Variants in CEP120 observed in about 807,000 individuals in gnomAD.
CEP120 encodes centrosomal protein of 120 kDa.
A neutral mutation model predicts 126.5 loss-of-function variants in CEP120; 113 were observed. The ratio of observed to expected loss-of-function variants is 0.89; its 90% CI spans 0.77 to 1.04. CEP120 has a LOEUF of 1.04. Ranked by LOEUF, CEP120 falls within the 50% of genes least tolerant of loss-of-function variation. The pLI is 0.00. For synonymous variants in CEP120, 400 were observed against 394.3 expected (o/e 1.01, Z -0.17); for missense variants, 1,230 against 1,155.7 (o/e 1.06, Z -0.93).
At chr5:123,374,684 T>C (rs149070678) in intron 16 of CEP120, among the ~76,000 whole-genome samples, 5 of 152,274 alleles carry the variant, frequency 3.3e-5, no homozygotes, top group Admixed American at 6.5e-5. Context: ...GTTTAGGTAA[T>C]GTAGTGTTCC....
chr5:123,412,902 C>T (rs983555018), intron 3 of CEP120, among the ~76,000 whole-genome samples: 1 of 152,196 alleles, frequency 6.6e-6, no homozygotes, highest in Non-Finnish European at 1.5e-5. Context: ...TCCCTAACCT[C>T]TATCTTCTCA....
intron 10 of CEP120, 150 bp from the exon 11 acceptor site, chr5:123,385,283 T>C: frequency 3.6e-6 from 2 of 548,834 alleles, no homozygotes. Context: ...GAATGCTAAA[T>C]TTCACAGGCA....
At chr5:123,419,469 G>A (rs1032166527) in intron 1 of CEP120, among the ~76,000 whole-genome samples, 8 of 151,610 alleles carry the variant, frequency 5.3e-5, no homozygotes, top group African/African-American at 1.5e-4. Flanking sequence ...GCTTGAACCC[G>A]GGAGGCAGAG....
At chr5:123,386,753 TA>T in intron 9 of CEP120, 86 bp from the exon 10 acceptor site, 1 of 1,014,700 alleles carries the variant, frequency 9.9e-7, no homozygotes, top group South Asian at 2.9e-5. Flanking sequence ...GAAAAAAGTA[TA>T]ATATGAATAT....
chr5:123,405,175 A>G (rs1773557912), intron 4 of CEP120, among the ~76,000 whole-genome samples: 1 of 152,214 alleles, frequency 6.6e-6, no homozygotes, highest in African/African-American at 2.4e-5. Flanking sequence ...ACGGAGAATC[A>G]CAATTTTGGA....
At position 123,391,399 on chromosome 5, in the gene CEP120, T is replaced by G. The variant is rs1006681563; in HGVS notation, c.811-62A>C. 4.4e-5 allele frequency: 56 copies of G among 1,260,754 alleles called. No individual in the cohort carries two copies. The Middle Eastern group carries it at 7.9e-4, about 18-fold the overall frequency. The allele number at this position is 1,260,754 out of a possible 1,614,324, so 78.1% of individuals were successfully genotyped here. ...ACTTTCTCCTTTCTCCTAAATATCATAAACTTAATAAGAAGTTGTAAAATG... is the reference window on the plus strand; with the variant it reads ...ACTTTCTCCTTTCTCCTAAATATCAGAAACTTAATAAGAAGTTGTAAAATG... On this transcript the variant is annotated intron_variant, in intron 6 of 19. Coordinates refer to ENST00000306467, the MANE Select transcript of CEP120 (RefSeq NM_001375405.1).
Position 123,403,142 on chromosome 5 carries a change from T to G in CEP120, c.464-3858A>C, listed in dbSNP as rs1353987035. 3 of 391,202 alleles carry G rather than the reference T, an allele frequency of 7.7e-6. No homozygotes were observed. The Admixed American group carries it at 1.0e-4, about 13-fold the overall frequency. The allele number at this position is 391,202 out of a possible 1,614,324, so 24.2% of individuals were successfully genotyped here. A position where few individuals can be genotyped will look rare whatever the true frequency, so the allele number is the denominator to read the frequency against. On this transcript the variant is annotated intron_variant, in intron 4 of 19. Transcript: ENST00000306467. The stretch of plus-strand genomic sequence containing the variant: ...ATGTATTTATATGTGTGTGTACACA[T>G]ATATGCACAAATTCCCTCACTTTGT...
At chr5:123,375,198 T>G (rs967094331) in intron 16 of CEP120, among the ~76,000 whole-genome samples, 1 of 152,230 alleles carries the variant, frequency 6.6e-6, no homozygotes, top group East Asian at 1.9e-4. Flanking sequence ...CCCCCAGGTT[T>G]TAGAACAGTG....
chr5:123,402,527 T>G (rs1295712823), intron 4 of CEP120, among the ~76,000 whole-genome samples: 1 of 152,120 alleles, frequency 6.6e-6, no homozygotes, highest in African/African-American at 2.4e-5. Context: ...TTCTGCTGCC[T>G]CCGCCTCCTG....
chr5:123,362,324 TA>T (rs2126997559), intron 18 of CEP120, among the ~76,000 whole-genome samples: 1 of 151,860 alleles, frequency 6.6e-6, no homozygotes, highest in African/African-American at 2.4e-5. Context: ...TTTCTTCTCC[TA>T]GAAATTATTT....
At chr5:123,401,884 G>T (rs1303372175) in intron 4 of CEP120, 4 of 1,557,194 alleles carry the variant, frequency 2.6e-6, no homozygotes, top group African/African-American at 1.4e-5. Context: ...TCCTAGCCCA[G>T]AGTCTCCAGC....
At chr5:123,391,379 C>A in intron 6 of CEP120, 42 bp from the exon 7 acceptor site, 1 of 1,385,210 alleles carries the variant, frequency 7.2e-7, no homozygotes, top group Non-Finnish European at 1.0e-6. Context: ...TTTATACTTT[C>A]TCCTTTCTCC....
intron 16 of CEP120, among the ~76,000 whole-genome samples, chr5:123,376,071 T>C (rs1771198439): frequency 6.6e-6 from 1 of 151,994 alleles, no homozygotes; most frequent in South Asian, 2.1e-4. Flanking sequence ...GATACAGCTA[T>C]AAACCAGAAC....
chr5:123,423,124 C>T lies in CEP120; in HGVS notation c.-126G>A. On this transcript the variant is annotated 5_prime_UTR_variant, in exon 1 of 20. Transcript: ENST00000306467. Reference sequence around the variant, plus strand: ...CCCCCGGTCCCTGATGCCCGGACCCCGCTCCGCAGCCAGGTCCCACCGCCG... The same window carrying T: ...CCCCCGGTCCCTGATGCCCGGACCCTGCTCCGCAGCCAGGTCCCACCGCCG... The T allele has an allele frequency of 3.9e-6, 3 of 762,138 alleles. No individual in the cohort carries two copies. In the Admixed American group the frequency reaches 6.4e-5, roughly 16 times the overall value. The allele number at this position is 762,138 out of a possible 1,614,324, so 47.2% of individuals were successfully genotyped here.
chr5:123,377,589 A>G (rs1239434049), intron 15 of CEP120, 54 bp from the exon 16 acceptor site: 7 of 1,339,270 alleles, frequency 5.2e-6, no homozygotes, highest in Non-Finnish European at 7.1e-6. Flanking sequence ...GCATTATACT[A>G]TTCGATATTC....
At chr5:123,401,030 G>A in intron 4 of CEP120, 1 of 1,566,812 alleles carries the variant, frequency 6.4e-7, no homozygotes, top group Non-Finnish European at 8.7e-7. Flanking sequence ...TGGCGCCCAG[G>A]CCGTAGCTGA....
At chr5:123,381,438 C>G (rs1771642288) in intron 14 of CEP120, among the ~76,000 whole-genome samples, 1 of 152,004 alleles carries the variant, frequency 6.6e-6, no homozygotes, top group Admixed American at 6.6e-5. Context: ...TGATTAACCA[C>G]TAATAAGAGT....
At chr5:123,416,331 G>A (rs1357005274) in intron 2 of CEP120, among the ~76,000 whole-genome samples, 2 of 152,104 alleles carry the variant, frequency 1.3e-5, no homozygotes, top group Non-Finnish European at 2.9e-5. Context: ...GGGAGTTCGA[G>A]GAGGGCAGAT....
At chr5:123,413,541 G>GCAGGAACCA (rs1774202548) in intron 3 of CEP120, among the ~76,000 whole-genome samples, 1 of 152,008 alleles carries the variant, frequency 6.6e-6, no homozygotes, top group South Asian at 2.1e-4. Flanking sequence ...TATTATTAGG[G>GCAGGAACCA]CAGGAACCAC....
Sources: gnomAD v4.1 joint callset for allele counts (sites outside exome capture counted in the v4.1 genomes callset) on GRCh38, gnomAD v4.1.1 for gene constraint, MANE v1.5 for transcripts, NCBI Gene and HGNC (gene_info 2026-07-23, HGNC 2026-07-21) for gene names.